THEMIS: variants seen among roughly 807,000 people sequenced by gnomAD.
THEMIS encodes thymocyte selection associated, also known as protein THEMIS.
Under a neutral mutation model 52.6 loss-of-function variants are expected in THEMIS, and 37 were observed. That is an observed-to-expected ratio of 0.70 (90% CI 0.54 to 0.93). The LOEUF is 0.93. THEMIS is among the 40% of genes least tolerant of loss of function. The pLI, the probability that THEMIS is intolerant of heterozygous loss-of-function variation, is 0.00. For synonymous variants in THEMIS, 292 were observed against 272.7 expected, an observed-to-expected ratio of 1.07 and a Z score of -0.70; for missense variants, 808 against 763.1, an observed-to-expected ratio of 1.06 and a Z score of -0.69.
chr6:127,828,847 G>A (rs924225312), intron 3 of THEMIS, among the ~76,000 whole-genome samples: 1 of 151,998 alleles, frequency 6.6e-6, no homozygotes, highest in Admixed American at 6.6e-5. Flanking sequence ...CCAGCTACTT[G>A]GGAGGCTGAG....
chr6:127,717,760 G>A (rs1052675664), intron 5 of THEMIS, among the ~76,000 whole-genome samples: 2 of 151,468 alleles, frequency 1.3e-5, no homozygotes, highest in African/African-American at 4.8e-5. Context: ...GAAAGAATTA[G>A]GTCTGGGTAT....
intron 4 of THEMIS, among the ~76,000 whole-genome samples, chr6:127,725,990 C>A (rs906239856): frequency 1.3e-5 from 2 of 152,108 alleles, no homozygotes; most frequent in African/African-American, 4.8e-5. Context: ...CACTTACCCT[C>A]CTTTGTTAGT....
At chr6:127,868,400 T>C (rs1780050645) in intron 1 of THEMIS, 1 of 983,206 alleles carries the variant, frequency 1.0e-6, no homozygotes, top group Non-Finnish European at 1.2e-6. Flanking sequence ...CCAATATTTC[T>C]GAGGAAAAGA....
At chr6:127,835,042 A>T (rs925902369) in intron 2 of THEMIS, among the ~76,000 whole-genome samples, 7 of 152,156 alleles carry the variant, frequency 4.6e-5, no homozygotes, top group Admixed American at 6.5e-5. Context: ...CCTTGATGGC[A>T]ACACAGCTCC....
intron 1 of THEMIS, among the ~76,000 whole-genome samples, chr6:127,859,534 T>G (rs905544380): frequency 6.6e-6 from 1 of 152,166 alleles, no homozygotes; most frequent in Non-Finnish European, 1.5e-5. Context: ...TTGTTATAAT[T>G]TTGTGTCATT....
At chr6:127,850,767 C>A (rs1011348175) in intron 2 of THEMIS, among the ~76,000 whole-genome samples, 2 of 151,582 alleles carry the variant, frequency 1.3e-5, no homozygotes, top group African/African-American at 4.8e-5. Flanking sequence ...GATTAAAAGA[C>A]TACATATTGG....
chr6:127,782,742 T>A (rs116585622), intron 4 of THEMIS, among the ~76,000 whole-genome samples: 1,703 of 152,214 alleles, frequency 0.011, 41 homozygotes, highest in African/African-American at 0.04. Context: ...TGTTCCTATT[T>A]GGCCATACTC....
intron 4 of THEMIS, among the ~76,000 whole-genome samples, chr6:127,741,199 T>C (rs1292315369): frequency 6.6e-6 from 1 of 152,234 alleles, no homozygotes; most frequent in Admixed American, 6.5e-5. Context: ...TATAAACCTA[T>C]GCGTAAGCTT....
chr6:127,885,684 C>T (rs919487302), intron 1 of THEMIS, among the ~76,000 whole-genome samples: 1 of 151,930 alleles, frequency 6.6e-6, no homozygotes, highest in African/African-American at 2.4e-5. Context: ...TTTAATACAT[C>T]CAAAATACAG....
At chr6:127,731,208 T>C (rs541070419) in intron 4 of THEMIS, among the ~76,000 whole-genome samples, 2 of 152,338 alleles carry the variant, frequency 1.3e-5, no homozygotes, top group South Asian at 2.1e-4. Flanking sequence ...TTAAAAATTC[T>C]GGACAATGCA....
chr6:127,872,331 T>A (rs556755066), intron 1 of THEMIS, among the ~76,000 whole-genome samples: 1 of 152,158 alleles, frequency 6.6e-6, no homozygotes, highest in Non-Finnish European at 1.5e-5. Flanking sequence ...CAGCACTTTG[T>A]GAGACCGAAG....
At chr6:127,881,415 G>T (rs1780481437) in intron 1 of THEMIS, among the ~76,000 whole-genome samples, 2 of 151,942 alleles carry the variant, frequency 1.3e-5, no homozygotes, top group Non-Finnish European at 2.9e-5. Flanking sequence ...CTTACAAAAT[G>T]AAGGAAGTAC....
upstream of THEMIS, among the ~76,000 whole-genome samples, chr6:127,902,879 G>C (rs1781179935): frequency 6.6e-6 from 1 of 151,992 alleles, no homozygotes; most frequent in Non-Finnish European, 1.5e-5. Flanking sequence ...CATTTCATTT[G>C]ATATCTAATG....
intron 4 of THEMIS, among the ~76,000 whole-genome samples, chr6:127,809,685 A>G (rs1448458011): frequency 2.0e-5 from 3 of 152,008 alleles, no homozygotes; most frequent in African/African-American, 2.4e-5. Context: ...CCTATCTTCT[A>G]CTATAAACAT....
intron 4 of THEMIS, among the ~76,000 whole-genome samples, chr6:127,792,385 A>C (rs1321361854): frequency 6.6e-6 from 1 of 152,180 alleles, no homozygotes; most frequent in Non-Finnish European, 1.5e-5. Flanking sequence ...ACTTTGGGTG[A>C]GTTTTCTCAG....
chr6:127,811,272 G>T (rs895085928), intron 4 of THEMIS, among the ~76,000 whole-genome samples: 1 of 152,082 alleles, frequency 6.6e-6, no homozygotes, highest in East Asian at 1.9e-4. Context: ...AGTAGCTGAC[G>T]TGGGTCCCAC....
chr6:127,776,587 G>A (rs997229215), intron 4 of THEMIS, among the ~76,000 whole-genome samples: 1 of 152,182 alleles, frequency 6.6e-6, no homozygotes, highest in African/African-American at 2.4e-5. Flanking sequence ...CATTGACTGA[G>A]GTAGCATCAT....
chr6:127,910,781 G>C, intron 1 of THEMIS, among the ~76,000 whole-genome samples: 1 of 152,202 alleles, frequency 6.6e-6, no homozygotes, highest in East Asian at 1.9e-4. Context: ...CCAATATTGA[G>C]ATATTATTAT....
intron 4 of THEMIS, among the ~76,000 whole-genome samples, chr6:127,796,018 A>G (rs1777320287): frequency 6.6e-6 from 1 of 152,236 alleles, no homozygotes. Context: ...TCCATACTAT[A>G]TGCAAAATAA....
Sources: allele counts gnomAD v4.1 joint callset (sites outside exome capture counted in the v4.1 genomes callset), GRCh38; gene constraint gnomAD v4.1.1; transcripts MANE v1.5; gene names NCBI Gene and HGNC (gene_info 2026-07-23, HGNC 2026-07-21).